EPB41: variants seen among roughly 807,000 people sequenced by gnomAD.
EPB41 encodes the protein erythrocyte membrane protein band 4.1, also known as protein 4.1.
EPB41 carries 65 observed loss-of-function variants against 108.0 expected under a neutral mutation model. The observed-to-expected ratio is 0.60, with a 90% CI of 0.49 to 0.74. EPB41 has a LOEUF of 0.74. Ranked by LOEUF, EPB41 falls within the 30% of genes least tolerant of loss-of-function variation. EPB41 has a pLI of 0.00. For missense variants in EPB41, 875 were observed against 1,037.0 expected, an observed-to-expected ratio of 0.84 and a Z score of 2.15; for synonymous variants, 336 against 358.9, an observed-to-expected ratio of 0.94 and a Z score of 0.72.
chr1:29,083,075 G>A (rs1201337255), intron 16 of EPB41, among the ~76,000 whole-genome samples: 1 of 151,846 alleles, frequency 6.6e-6, no homozygotes, highest in African/African-American at 2.4e-5. Flanking sequence ...TTATATACCA[G>A]AGAATAGCAA....
At chr1:29,034,982 T>G (rs1206993069) in intron 9 of EPB41, among the ~76,000 whole-genome samples, 2 of 111,302 alleles carry the variant, frequency 1.8e-5, no homozygotes, top group Non-Finnish European at 3.6e-5. Context: ...TGTTTTTTTT[T>G]TTTTTTTTTT....
intron 1 of EPB41, among the ~76,000 whole-genome samples, chr1:28,952,541 A>C (rs1469417016): frequency 6.6e-6 from 1 of 152,118 alleles, no homozygotes; most frequent in Non-Finnish European, 1.5e-5. Flanking sequence ...AATTAATAAT[A>C]ATTAAAAAAA....
intron 1 of EPB41, among the ~76,000 whole-genome samples, chr1:28,953,023 C>T (rs2094800820): frequency 6.6e-6 from 1 of 152,172 alleles, no homozygotes; most frequent in African/African-American, 2.4e-5. Flanking sequence ...GCCACTGCGC[C>T]CGGCCCAAAT....
intron 16 of EPB41, among the ~76,000 whole-genome samples, chr1:29,089,038 T>C (rs901685568): frequency 1.2e-4 from 18 of 152,214 alleles, no homozygotes; most frequent in African/African-American, 4.3e-4. Flanking sequence ...AGATGGGCTT[T>C]AGAACCAGAG....
intron 4 of EPB41, among the ~76,000 whole-genome samples, chr1:29,010,965 T>C (rs1572397532): frequency 6.6e-6 from 1 of 151,618 alleles, no homozygotes; most frequent in Non-Finnish European, 1.5e-5. Context: ...ATACAAAAAT[T>C]AGCTGGGCAT....
intron 17 of EPB41, among the ~76,000 whole-genome samples, chr1:29,100,764 A>T (rs111328819): frequency 4.1e-4 from 60 of 146,866 alleles, no homozygotes; most frequent in African/African-American, 1.4e-3. Flanking sequence ...TTAAATATAT[A>T]ATATATATAA....
intron 7 of EPB41, among the ~76,000 whole-genome samples, chr1:29,021,706 CT>C (rs2096648300): frequency 6.6e-6 from 1 of 151,952 alleles, no homozygotes; most frequent in African/African-American, 2.4e-5. Context: ...CCTCGGCCTC[CT>C]GAGTATCTGG....
Position 28,890,865 on chromosome 1 carries a change from C to A in EPB41, c.-8+3655C>A, listed in dbSNP as rs376208291. The stretch of plus-strand genomic sequence containing the variant: ...CTAACTAAGAGTGGGAGCCTCCACC[C>A]CACGGGTACTGAGGTGCCCACATTG... On this transcript the variant is annotated intron_variant, in intron 1 of 16. Transcript: ENST00000347529. 64 of 959,950 alleles carry A rather than the reference C, an allele frequency of 6.7e-5. No homozygotes were observed. The East Asian group carries it at 4.2e-3, about 64-fold the overall frequency. 59.5% of individuals were successfully genotyped at this position (959,950 alleles called of 1,614,324 possible).
intron 17 of EPB41, among the ~76,000 whole-genome samples, chr1:29,105,164 G>A (rs1016368569): frequency 5.9e-5 from 9 of 152,180 alleles, no homozygotes; most frequent in Admixed American, 2.0e-4. Flanking sequence ...CTTTCTATCA[G>A]TATTGCTTAG....
chr1:28,900,163 G>T (rs1330418765), intron 1 of EPB41, among the ~76,000 whole-genome samples: 2 of 152,242 alleles, frequency 1.3e-5, no homozygotes, highest in East Asian at 3.9e-4. Flanking sequence ...AGGATTGATT[G>T]AATTATTCAT....
At chr1:29,078,559 C>T (rs1276240630) in intron 16 of EPB41, among the ~76,000 whole-genome samples, 1 of 151,790 alleles carries the variant, frequency 6.6e-6, no homozygotes, top group Non-Finnish European at 1.5e-5. Flanking sequence ...AGAAGGATCA[C>T]TTGGGTCCAG....
Position 28,968,826 on chromosome 1 carries a change from A to G in EPB41, c.-7-18605A>G, listed in dbSNP as rs139382891. 4.4e-3 allele frequency among the ~76,000 whole-genome samples: 662 copies of G among 152,034 alleles called. 4 individuals are homozygous for G. Among genetic ancestry groups the G allele is most frequent in the African/African-American group, 0.015 (628 of 41,464 alleles). ...CTAAAAATACAAAATTTAGCTGTGC[A>G]TGGTGGTGCGCACCTGTAATGCCAG... On this transcript the variant is annotated intron_variant, in intron 1 of 20. Transcript: ENST00000343067.
chr1:29,027,012 A>G (rs988582688), intron 7 of EPB41, among the ~76,000 whole-genome samples: 7 of 151,666 alleles, frequency 4.6e-5, no homozygotes, highest in African/African-American at 1.7e-4. Flanking sequence ...AAATCACTTG[A>G]ACCCAGGAGG....
Position 28,919,662 on chromosome 1 carries a change from C to T in EPB41, c.-8+4894C>T, listed in dbSNP as rs543416442. The stretch of plus-strand genomic sequence containing the variant: ...TAGAAACGGGGTTTCACCATGTTGG[C>T]CAGGCTGGTCTTGAACTCCTGATCT... On this transcript the variant is annotated intron_variant, in intron 1 of 20. Transcript: ENST00000343067. 7.9e-5 allele frequency among the ~76,000 whole-genome samples: 12 copies of T among 152,134 alleles called. No individual in the cohort carries two copies. In the East Asian group the frequency reaches 1.7e-3, roughly 22 times the overall value.
chr1:29,060,419 C>T lies in EPB41; in HGVS notation c.1945-3C>T, dbSNP rs751009782. 12 of 1,610,994 alleles carry T rather than the reference C, an allele frequency of 7.4e-6. No homozygotes were observed. Among genetic ancestry groups the T allele is most frequent in the Non-Finnish European group, 1.7e-6 (2 of 1,177,580 alleles). On this transcript the variant is annotated splice_region_variant and splice_polypyrimidine_tract_variant and intron_variant, in intron 14 of 20. Coordinates refer to ENST00000343067, the MANE Select transcript of EPB41 (RefSeq NM_001376013.1). ...TCTGTTTTCCCCCCTTTCATTTTCA[C>T]AGAAAAAGAGAGAAAGACTAGATGG... is the stretch of plus-strand genomic sequence containing the variant.
At chr1:28,975,602 A>C (rs2095585063) in intron 1 of EPB41, among the ~76,000 whole-genome samples, 1 of 152,114 alleles carries the variant, frequency 6.6e-6, no homozygotes. Context: ...CATGATATTC[A>C]AGTCATTTCA....
chr1:29,097,617 C>A, intron 16 of EPB41, 190 bp from the exon 17 acceptor site: 1 of 639,900 alleles, frequency 1.6e-6, no homozygotes, highest in East Asian at 2.8e-5. Flanking sequence ...TTTAATATCC[C>A]TCATGATTTG....
At chr1:28,889,845 G>A (rs1282677724) in intron 1 of EPB41, 9 of 985,112 alleles carry the variant, frequency 9.1e-6, no homozygotes, top group Non-Finnish European at 1.1e-5. Context: ...ACCATATACA[G>A]GTCTGCCAGC....
rs369360298 is a variant in EPB41 at position 29,058,606 on chromosome 1, C to T, written c.1863C>T (p.Ile621=). ...TEAWKVEKTH[I]EVTVPTSNGD... is the part of the protein sequence containing the mutation. Reference sequence around the variant, plus strand: ...AAATGTAGGTGGAAAAAACCCACATCGAGGTGACAGTACCCACCTCAAATG... The same window carrying T: ...AAATGTAGGTGGAAAAAACCCACATTGAGGTGACAGTACCCACCTCAAATG... Residue 621 remains isoleucine (I), a synonymous_variant, in exon 13 of 21, where the codon ATC becomes ATT. Transcript: ENST00000343067. The T allele has an allele frequency of 1.3e-5, 21 of 1,613,686 alleles. No individual in the cohort carries two copies. Among genetic ancestry groups the T allele is most frequent in the Non-Finnish European group, 1.8e-5 (21 of 1,179,768 alleles).
Sources: allele counts gnomAD v4.1 joint callset (sites outside exome capture counted in the v4.1 genomes callset), GRCh38; gene constraint gnomAD v4.1.1; transcripts MANE v1.5; gene names NCBI Gene and HGNC (gene_info 2026-07-23, HGNC 2026-07-21).